The following AOPEP variants were observed in gnomAD, a reference collection of about 807,000 sequenced individuals.
The protein encoded by AOPEP is aminopeptidase O.
AOPEP carries 77 observed loss-of-function variants against 98.1 expected under a neutral mutation model. The ratio of observed to expected loss-of-function variants is 0.78; its 90% CI spans 0.65 to 0.95. AOPEP has a LOEUF of 0.95. Ranked by LOEUF, AOPEP falls within the 40% of genes least tolerant of loss-of-function variation. The pLI is 0.00. For missense variants in AOPEP, 1,024 were observed against 1,024.7 expected, an observed-to-expected ratio of 1.00 and a Z score of 0.01; for synonymous variants, 346 against 365.3, an observed-to-expected ratio of 0.95 and a Z score of 0.60.
intron 5 of AOPEP, among the ~76,000 whole-genome samples, chr9:94,878,273 G>T (rs1712044699): frequency 6.7e-6 from 1 of 148,558 alleles, no homozygotes; most frequent in African/African-American, 2.5e-5. Flanking sequence ...CCACTTTCGG[G>T]GAGAAGTATT....
Position 94,943,612 on chromosome 9 carries a change from A to G in AOPEP, c.1662-11565A>G, listed in dbSNP as rs550045396. Among the ~76,000 whole-genome samples the G allele has an allele frequency of 1.1e-4, 16 of 149,070 alleles. No homozygotes were observed. In the East Asian group the frequency reaches 3.0e-3, roughly 28 times the overall value. On this transcript the variant is annotated intron_variant, in intron 7 of 16. Coordinates refer to ENST00000375315, the MANE Select transcript of AOPEP (RefSeq NM_001193329.3). The stretch of plus-strand genomic sequence containing the variant: ...CCATCTCAAATAAAAAAAAAAAAGA[A>G]AAAAGAAAAAAAAAGGATCAATCTG...
intron 5 of AOPEP, among the ~76,000 whole-genome samples, chr9:94,905,462 G>A (rs551136291): frequency 1.3e-5 from 2 of 152,200 alleles, no homozygotes; most frequent in Middle Eastern, 3.2e-3. Context: ...AGGAAACTAA[G>A]AGTTCCGTAA....
At chr9:95,115,443 G>A in the AOPEP span, among the ~76,000 whole-genome samples, 1 of 152,296 alleles carries the variant, frequency 6.6e-6, no homozygotes, top group African/African-American at 2.4e-5. Context: ...TAGACTGCCT[G>A]ACTGCTTTCC....
intron 1 of AOPEP, among the ~76,000 whole-genome samples, chr9:94,739,560 G>T (rs1437276485): frequency 6.6e-6 from 1 of 151,654 alleles, no homozygotes; most frequent in Non-Finnish European, 1.5e-5. Flanking sequence ...CAGGCGAATT[G>T]CTTGAACCGG....
intron 1 of AOPEP, among the ~76,000 whole-genome samples, chr9:94,750,849 G>A (rs997347068): frequency 2.0e-5 from 3 of 146,954 alleles, no homozygotes; most frequent in African/African-American, 2.5e-5. Context: ...CTGGGTTCAC[G>A]CCATTCTCCT....
At chr9:95,110,216 T>C in the AOPEP span, 1 of 993,058 alleles carries the variant, frequency 1.0e-6, no homozygotes, top group African/African-American at 1.7e-5. Flanking sequence ...AATGTAGAAC[T>C]TTCTAGAAAT....
the AOPEP span, among the ~76,000 whole-genome samples, chr9:95,102,036 G>A: frequency 6.6e-6 from 1 of 152,204 alleles, no homozygotes; most frequent in Non-Finnish European, 1.5e-5. Flanking sequence ...CTGTCTCCAA[G>A]GCTGGCTACA....
intron 3 of AOPEP, among the ~76,000 whole-genome samples, chr9:94,790,097 G>A (rs10993345): frequency 6.6e-6 from 1 of 151,604 alleles, no homozygotes; most frequent in South Asian, 2.1e-4. Flanking sequence ...GGATGGTCTC[G>A]ATCTCCTGAC....
intron 1 of AOPEP, among the ~76,000 whole-genome samples, chr9:94,735,622 T>C (rs1831576588): frequency 1.3e-5 from 2 of 152,210 alleles, no homozygotes; most frequent in Admixed American, 1.3e-4. Context: ...TGAGAAACAC[T>C]GTGCTAAATT....
At chr9:95,141,646 A>G in the AOPEP span, among the ~76,000 whole-genome samples, 1 of 152,218 alleles carries the variant, frequency 6.6e-6, no homozygotes, top group Non-Finnish European at 1.5e-5. Flanking sequence ...GGTATTCAAA[A>G]GAATCTGTGG....
intron 9 of AOPEP, among the ~76,000 whole-genome samples, chr9:94,965,898 A>G (rs1031637023): frequency 1.3e-5 from 2 of 149,520 alleles, no homozygotes; most frequent in Non-Finnish European, 3.0e-5. Flanking sequence ...ACTTGGTTCT[A>G]TTGGGAGGCT....
chr9:95,090,147 C>T (rs1383647722), downstream of AOPEP, among the ~76,000 whole-genome samples: 1 of 152,244 alleles, frequency 6.6e-6, no homozygotes, highest in Non-Finnish European at 1.5e-5. Context: ...CCACCCTGGC[C>T]CCTGTGGCCT....
chr9:94,773,556 G>C (rs1365966485), intron 3 of AOPEP, among the ~76,000 whole-genome samples: 6 of 152,170 alleles, frequency 3.9e-5, no homozygotes, highest in African/African-American at 9.7e-5. Flanking sequence ...ATTATGTTAA[G>C]AGATAGTGCT....
At position 94,772,998 on chromosome 9, in the gene AOPEP, G is replaced by T; in HGVS notation, c.798-4G>T. 3 of 1,583,436 alleles carry T rather than the reference G, an allele frequency of 1.9e-6. No individual in the cohort carries two copies. In the South Asian group the frequency reaches 3.4e-5, roughly 18 times the overall value. ...CCCTTTCTTTCTTTGTCTCTCTTCT[G>T]CAGGCCATGTGTTTATACTGTGGGA... On this transcript the variant is annotated splice_region_variant and splice_polypyrimidine_tract_variant and intron_variant, in intron 2 of 16. Coordinates refer to ENST00000375315, the MANE Select transcript of AOPEP (RefSeq NM_001193329.3).
chr9:95,008,887 A>T (rs2062256810), intron 13 of AOPEP, among the ~76,000 whole-genome samples: 2 of 152,138 alleles, frequency 1.3e-5, no homozygotes, highest in Non-Finnish European at 2.9e-5. Flanking sequence ...TCCTGGTATG[A>T]CTGAATTCTT....
chr9:94,864,361 T>C (rs1019678834), intron 5 of AOPEP, among the ~76,000 whole-genome samples: 14 of 152,246 alleles, frequency 9.2e-5, no homozygotes, highest in African/African-American at 3.1e-4. Context: ...AGTTGCTTAT[T>C]ATATGAATGA....
intron 14 of AOPEP, among the ~76,000 whole-genome samples, chr9:95,061,740 C>T (rs2067334631): frequency 1.3e-5 from 2 of 152,010 alleles, no homozygotes; most frequent in Non-Finnish European, 2.9e-5. Flanking sequence ...CCTTATTAAC[C>T]AAAAGGTAAG....
chr9:95,071,307 A>AC (rs1564602352), intron 14 of AOPEP, among the ~76,000 whole-genome samples: 1 of 115,982 alleles, frequency 8.6e-6, no homozygotes, highest in African/African-American at 3.3e-5. Flanking sequence ...CACACACACA[A>AC]AAAAATGCTC....
intron 3 of AOPEP, among the ~76,000 whole-genome samples, chr9:94,782,035 C>CAA (rs534315747): frequency 4.0e-5 from 6 of 150,218 alleles, no homozygotes; most frequent in African/African-American, 1.5e-4. Flanking sequence ...ACTAAAAATA[C>CAA]AAAAAAAATT....
Sources: allele counts gnomAD v4.1 joint callset (sites outside exome capture counted in the v4.1 genomes callset), GRCh38; gene constraint gnomAD v4.1.1; transcripts MANE v1.5; gene names NCBI Gene and HGNC (gene_info 2026-07-23, HGNC 2026-07-21).